PLCE1: variants seen among roughly 807,000 people sequenced by gnomAD.
PLCE1 encodes the protein 1-phosphatidylinositol 4,5-bisphosphate phosphodiesterase epsilon-1.
A neutral mutation model predicts 242.8 loss-of-function variants in PLCE1; 119 were observed. The observed-to-expected ratio is 0.49, with a 90% CI of 0.42 to 0.57. The LOEUF (loss-of-function observed/expected upper bound fraction) is 0.57. PLCE1 is among the 20% of genes least tolerant of loss of function. The probability of loss-of-function intolerance (pLI) is 0.00; values close to 1 mark genes in which losing one functional copy is unlikely to be tolerated. For missense variants in PLCE1, 2,441 were observed against 2,788.8 expected (o/e 0.88, Z 2.81); for synonymous variants, 945 against 1,017.4 (o/e 0.93, Z 1.35).
At chr10:94,071,495 G>GTTTTTTTTTTTTTTTGTTTTTT (rs2044353719) in intron 2 of PLCE1, among the ~76,000 whole-genome samples, 1 of 83,316 alleles carries the variant, frequency 1.2e-5, no homozygotes, top group African/African-American at 5.4e-5. Flanking sequence ...TTTGGTTTTC[G>GTTTTTTTTTTTTTTTGTTTTTT]TTTTTTTTTT....
intron 4 of PLCE1, among the ~76,000 whole-genome samples, chr10:94,223,833 A>G (rs2049846884): frequency 6.6e-6 from 1 of 152,142 alleles, no homozygotes; most frequent in African/African-American, 2.4e-5. Flanking sequence ...TTATATTTAT[A>G]TGATTTTTTT....
At chr10:94,082,003 A>G (rs942759842) in intron 2 of PLCE1, 1 of 152,254 alleles carries the variant, frequency 6.6e-6, no homozygotes, top group Admixed American at 6.5e-5. Flanking sequence ...AGTAGATTAA[A>G]GAACCTTATA....
rs112305131 is a variant in PLCE1 at position 94,224,891 on chromosome 10, A to G, written c.1810-2415A>G. On this transcript the variant is annotated intron_variant, in intron 4 of 32. Coordinates refer to ENST00000371380, the MANE Select transcript of PLCE1 (RefSeq NM_016341.4). ...TCATAGCTGCAGGAGACGGGTCAGC[A>G]CTAGGAATCCCAGACAGTTCCTGGG... Among the ~76,000 whole-genome samples the G allele has an allele frequency of 6.8e-3, 1,032 of 152,342 alleles. 17 individuals are homozygous for G. The highest frequency in any genetic ancestry group is 0.024 in the African/African-American group (984 of 41,584).
chr10:94,297,590 T>TAAAAAAA (rs71031568), intron 23 of PLCE1, among the ~76,000 whole-genome samples: 50 of 56,570 alleles, frequency 8.8e-4, no homozygotes, highest in East Asian at 1.7e-3. Flanking sequence ...TTTAAATTTG[T>TAAAAAAA]AAAAAAAAAA....
chr10:94,301,196 T>A (rs2053023948), intron 24 of PLCE1, among the ~76,000 whole-genome samples: 1 of 151,892 alleles, frequency 6.6e-6, no homozygotes, highest in Non-Finnish European at 1.5e-5. Flanking sequence ...ATACAAAAAC[T>A]AGCCGGGCGT....
chr10:94,175,274 C>G (rs76183253), intron 4 of PLCE1, among the ~76,000 whole-genome samples: 2,503 of 152,164 alleles, frequency 0.016, 31 homozygotes, highest in Middle Eastern at 0.11. Context: ...CCCTCTCTTT[C>G]TATTTCTTTT....
At chr10:94,227,183 T>TAC in intron 4 of PLCE1, 123 bp from the exon 5 acceptor site, 1 of 905,956 alleles carries the variant, frequency 1.1e-6, no homozygotes, top group Non-Finnish European at 1.8e-6. Flanking sequence ...AGCCAGGACC[T>TAC]ACAGGTCTTT....
chr10:94,187,995 A>G (rs968725387), intron 4 of PLCE1, among the ~76,000 whole-genome samples: 1 of 151,860 alleles, frequency 6.6e-6, no homozygotes, highest in Non-Finnish European at 1.5e-5. Flanking sequence ...CACAGCTACC[A>G]TGGAACCCAC....
intron 3 of PLCE1, among the ~76,000 whole-genome samples, chr10:94,153,628 A>G (rs184658718): frequency 4.7e-4 from 71 of 152,306 alleles, no homozygotes; most frequent in Non-Finnish European, 8.1e-4. Context: ...ATCTACTCAA[A>G]GATAGACAAT....
chr10:94,223,233 C>CAAAAAAAAAAAAA lies in PLCE1; in HGVS notation c.1810-4066_1810-4054dup, dbSNP rs60764243. Among the ~76,000 whole-genome samples the CAAAAAAAAAAAAA allele has an allele frequency of 2.7e-3, 245 of 90,850 alleles. 10 individuals carry two copies. Among genetic ancestry groups the CAAAAAAAAAAAAA allele is most frequent in the African/African-American group, 0.011 (223 of 20,966 alleles). 59.6% of individuals were successfully genotyped at this position (90,850 alleles called of 152,430 possible). On this transcript the variant is annotated intron_variant, in intron 4 of 32. Transcript: ENST00000371380. ...GCAACATAGTGATACTCCATCTCTA[C>CAAAAAAAAAAAAA]AAAAAAAAAAAAAAAAAAATTGAAT...
intron 1 of PLCE1, among the ~76,000 whole-genome samples, chr10:93,999,388 C>G (rs546912088): frequency 2.9e-4 from 44 of 152,202 alleles, no homozygotes; most frequent in Admixed American, 5.9e-4. Context: ...TGCAGGAGAT[C>G]CGGGATGTGA....
chr10:94,285,705 G>A (rs1417922329), intron 22 of PLCE1, among the ~76,000 whole-genome samples: 2 of 152,100 alleles, frequency 1.3e-5, no homozygotes, highest in East Asian at 3.9e-4. Context: ...CAATCACTGT[G>A]GCCAGGAGAT....
At chr10:94,196,337 G>C (rs965809771) in intron 4 of PLCE1, among the ~76,000 whole-genome samples, 1 of 152,186 alleles carries the variant, frequency 6.6e-6, no homozygotes, top group African/African-American at 2.4e-5. Context: ...GTTCCTTTGA[G>C]ATAATGATTT....
chr10:94,094,423 C>T (rs2045220699), intron 2 of PLCE1, among the ~76,000 whole-genome samples: 1 of 152,116 alleles, frequency 6.6e-6, no homozygotes, highest in Non-Finnish European at 1.5e-5. Context: ...TGTTTGAGAA[C>T]CACTGTGGGA....
intron 2 of PLCE1, among the ~76,000 whole-genome samples, chr10:94,092,445 G>A (rs2045115362): frequency 6.6e-6 from 1 of 152,194 alleles, no homozygotes; most frequent in Admixed American, 6.5e-5. Context: ...TACAGATACA[G>A]TGCAAAGAGA....
rs552202082 is a variant in PLCE1, at chr10:94,115,613, TG to T, written c.1207-16560del. Among the ~76,000 whole-genome samples, 757 of 152,264 alleles carry T rather than the reference TG, an allele frequency of 5.0e-3. 25 individuals are homozygous for T. Among genetic ancestry groups the T allele is most frequent in the East Asian group, 9.6e-4 (5 of 5,192 alleles). ...TCCTTCGCCCACTTGTTGATGAGGT[TG>T]TTTTTTTCTTGTAAATTTGTTTGTG... On this transcript the variant is annotated intron_variant, in intron 2 of 32. Transcript: ENST00000371380.
At chr10:94,168,785 C>T (rs541339463) in intron 3 of PLCE1, among the ~76,000 whole-genome samples, 3 of 152,030 alleles carry the variant, frequency 2.0e-5, no homozygotes, top group African/African-American at 7.2e-5. Flanking sequence ...TGCTATAGTT[C>T]GAGATCATGT....
intron 4 of PLCE1, among the ~76,000 whole-genome samples, chr10:94,196,211 T>C (rs2048816341): frequency 1.3e-5 from 2 of 152,220 alleles, no homozygotes; most frequent in South Asian, 4.1e-4. Context: ...CACTACCTCC[T>C]TGCTATACAC....
At chr10:94,225,153 A>C (rs1423957376) in intron 4 of PLCE1, 1 of 152,218 alleles carries the variant, frequency 6.6e-6, no homozygotes, top group East Asian at 1.9e-4. Flanking sequence ...ATACCAGAGA[A>C]TAGACCTGTT....
Sources: allele counts gnomAD v4.1 joint callset (sites outside exome capture counted in the v4.1 genomes callset), GRCh38; gene constraint gnomAD v4.1.1; transcripts MANE v1.5; gene names NCBI Gene and HGNC (gene_info 2026-07-23, HGNC 2026-07-21).